ZNF778: variants seen among roughly 807,000 people sequenced by gnomAD.
ZNF778 encodes zinc finger protein 778.
ZNF778 carries 37 observed loss-of-function variants against 23.9 expected under a neutral mutation model. The ratio of observed to expected loss-of-function variants is 1.54; its 90% CI spans 1.19 to 2.03. ZNF778 has a LOEUF of 2.03. Ranked by LOEUF, ZNF778 falls within the 30% of genes most tolerant of loss-of-function variation. The probability of loss-of-function intolerance (pLI) is 0.00; values close to 1 mark genes in which losing one functional copy is unlikely to be tolerated. For synonymous variants in ZNF778, 483 were observed against 343.9 expected, an observed-to-expected ratio of 1.40 and a Z score of -4.48; for missense variants, 1,297 against 934.4, an observed-to-expected ratio of 1.39 and a Z score of -5.06.
Position 89,227,833 on chromosome 16 carries a change from A to G in ZNF778, c.1545A>G (p.Thr515=). The change falls in exon 7 of 7, where the codon ACA becomes ACG. Residue 515 remains threonine (T), a synonymous_variant. Transcript: ENST00000433976. ...GTAAGCAGTGTGGCAAAGCCTTCAC[A>G]GGGCGCTCAGGCCTCACTAAACACA... ...YECKQCGKAF[T]GRSGLTKHMR... 1.9e-6 allele frequency: 3 copies of G among 1,613,936 alleles called. No individual in the cohort carries two copies. The highest frequency in any genetic ancestry group is 2.5e-6 in the Non-Finnish European group (3 of 1,179,960).
rs997103438 is a variant in ZNF778 at position 89,228,965 on chromosome 16, G to C, written c.*403G>C. The C allele has an allele frequency of 1.0e-6, 1 of 1,001,222 alleles. No individual in the cohort carries two copies. The highest frequency in any genetic ancestry group is 1.7e-5 in the African/African-American group (1 of 57,444). The allele number at this position is 1,001,222 out of a possible 1,614,324, so 62.0% of individuals were successfully genotyped here. A position where few individuals can be genotyped will look rare whatever the true frequency, so the allele number is the denominator to read the frequency against. ...AAACGTGGTGATTGACACTTGAAGT[G>C]TTGTGAATGTATGGAAGATAGCAGT... On this transcript the variant is annotated 3_prime_UTR_variant, in exon 7 of 7. Transcript: ENST00000433976.
chr16:89,232,785 A>G lies in ZNF778; in HGVS notation c.*4223A>G, dbSNP rs570629781. ...CTGCATATACAAATCAACTCACTGC[A>G]TATGCACATCAACTCACTGCATATG... On this transcript the variant is annotated 3_prime_UTR_variant, in exon 7 of 7. Coordinates refer to ENST00000433976, the MANE Select transcript of ZNF778 (RefSeq NM_001201407.2). 3.1e-6 allele frequency: 4 copies of G among 1,274,260 alleles called. No homozygotes were observed. Among genetic ancestry groups the G allele is most frequent in the Non-Finnish European group, 3.0e-6 (3 of 988,362 alleles). 78.9% of individuals were successfully genotyped at this position (1,274,260 alleles called of 1,614,324 possible).
chr16:89,232,806 A>T lies in ZNF778; in HGVS notation c.*4244A>T. On this transcript the variant is annotated 3_prime_UTR_variant, in exon 7 of 7. Transcript: ENST00000433976. ...CTGCATATGCACATCAACTCACTGC[A>T]TATGCAACTCAACTCACACCGTATA... The T allele has an allele frequency of 7.8e-7, 1 of 1,286,162 alleles. No individual in the cohort carries two copies. The highest frequency in any genetic ancestry group is 1.0e-6 in the Non-Finnish European group (1 of 988,772). 79.7% of individuals were successfully genotyped at this position (1,286,162 alleles called of 1,614,324 possible).
chr16:89,224,628 T>C, intron 4 of ZNF778, 91 bp from the exon 5 acceptor site: 1 of 958,748 alleles, frequency 1.0e-6, no homozygotes, highest in South Asian at 1.4e-5. Flanking sequence ...CAAAAAATAA[T>C]AAAAAAAAGG....
chr16:89,222,881 T>A (rs1489702432), intron 3 of ZNF778, among the ~76,000 whole-genome samples: 1 of 147,050 alleles, frequency 6.8e-6, no homozygotes, highest in African/African-American at 2.5e-5. Flanking sequence ...AGAGGTGTCG[T>A]TGCGGCCGTG....
intron 5 of ZNF778, among the ~76,000 whole-genome samples, chr16:89,225,267 T>C (rs1247241277): frequency 1.3e-5 from 2 of 151,768 alleles, no homozygotes; most frequent in African/African-American, 4.8e-5. Context: ...AGGTGCGTGC[T>C]GCCACGCCTG....
At chr16:89,221,386 G>C (rs1440997038) in intron 2 of ZNF778, among the ~76,000 whole-genome samples, 1 of 152,152 alleles carries the variant, frequency 6.6e-6, no homozygotes, top group Non-Finnish European at 1.5e-5. Context: ...GAAGAGTCAC[G>C]TTCCTCAAGG....
In ZNF778 at chr16:89,224,712, T is replaced by C. The variant is rs1231081062; in HGVS notation, c.245-7T>C. 6.5e-7 allele frequency: 1 copy of C among 1,533,620 alleles called. No homozygotes were observed. Among genetic ancestry groups the C allele is most frequent in the Admixed American group, 2.0e-5 (1 of 50,964 alleles). ...TCTTCCATCGATGTCTCTTTCCCTG[T>C]GTACAGGACATCACCTGTTCCAACC... On this transcript the variant is annotated splice_polypyrimidine_tract_variant and splice_region_variant and intron_variant, in intron 4 of 6. Coordinates refer to ENST00000433976, the MANE Select transcript of ZNF778 (RefSeq NM_001201407.2).
intron 2 of ZNF778, 56 bp downstream of exon 2, chr16:89,221,208 T>C (rs1486191800): frequency 1.5e-6 from 2 of 1,371,452 alleles, no homozygotes; most frequent in African/African-American, 2.5e-5. Flanking sequence ...TGATACACAG[T>C]GTGTGTATCA....
rs2031727461 is a variant in ZNF778 at position 89,228,685 on chromosome 16, C to G, written c.*123C>G. 6.8e-7 allele frequency: 1 copy of G among 1,479,266 alleles called. No homozygotes were observed. The highest frequency in any genetic ancestry group is 1.4e-5 in the African/African-American group (1 of 70,980). 91.6% of individuals were successfully genotyped at this position (1,479,266 alleles called of 1,614,324 possible). A position where few individuals can be genotyped will look rare whatever the true frequency, so the allele number is the denominator to read the frequency against. ...TAGGCAATCAGCATCTCATCACAAC[C>G]CGGCAGGCAGGAACTCACCCTGGAG... On this transcript the variant is annotated 3_prime_UTR_variant, in exon 7 of 7. Transcript: ENST00000433976.
chr16:89,228,600 C>G lies in ZNF778; in HGVS notation c.*38C>G, dbSNP rs1465299058. 2.6e-6 allele frequency: 4 copies of G among 1,533,498 alleles called. No individual in the cohort carries two copies. Among genetic ancestry groups the G allele is most frequent in the East Asian group, 2.3e-5 (1 of 44,390 alleles). 95.0% of individuals were successfully genotyped at this position (1,533,498 alleles called of 1,614,324 possible). A position where few individuals can be genotyped will look rare whatever the true frequency, so the allele number is the denominator to read the frequency against. On this transcript the variant is annotated 3_prime_UTR_variant, in exon 7 of 7. Transcript: ENST00000433976. ...GGGGAAGCTGTCAGCTACACTCATTCACGTTGAAGACATGAAAGACCTCTC... is the reference window on the plus strand; with the variant it reads ...GGGGAAGCTGTCAGCTACACTCATTGACGTTGAAGACATGAAAGACCTCTC...
At position 89,221,082 on chromosome 16, in the gene ZNF778, T is replaced by G. The variant is rs1431832393; in HGVS notation, c.-46T>G. The G allele has an allele frequency of 6.4e-7, 1 of 1,557,804 alleles. No individual in the cohort carries two copies. Among genetic ancestry groups the G allele is most frequent in the Non-Finnish European group, 8.7e-7 (1 of 1,150,494 alleles). On this transcript the variant is annotated 5_prime_UTR_variant, in exon 2 of 7. Transcript: ENST00000433976. ...TTCACAAGCTGCCCTGCAGTGGCCT[T>G]GGCTTCAGGAAAGGAGCATTCAGAC... is the stretch of plus-strand genomic sequence containing the variant.
chr16:89,232,842 C>G lies in ZNF778; in HGVS notation c.*4280C>G. 7.8e-7 allele frequency: 1 copy of G among 1,289,024 alleles called. No homozygotes were observed. The highest frequency in any genetic ancestry group is 1.5e-5 in the African/African-American group (1 of 65,904). 79.8% of individuals were successfully genotyped at this position (1,289,024 alleles called of 1,614,324 possible). On this transcript the variant is annotated 3_prime_UTR_variant, in exon 7 of 7. Transcript: ENST00000433976. ...AACTCACACCGTATATGCAACTCAA[C>G]TCACACCGTGTATGCAAATCAACTC...
rs1410889512 is a variant in ZNF778 at position 89,233,598 on chromosome 16, TCA to T, written c.*5037_*5038del. 4.4e-6 allele frequency: 5 copies of T among 1,129,274 alleles called. No homozygotes were observed. The East Asian group carries it at 1.8e-4, about 41-fold the overall frequency. The allele number at this position is 1,129,274 out of a possible 1,614,324, so 70.0% of individuals were successfully genotyped here. A position where few individuals can be genotyped will look rare whatever the true frequency, so the allele number is the denominator to read the frequency against. On this transcript the variant is annotated 3_prime_UTR_variant, in exon 7 of 7. Coordinates refer to ENST00000433976, the MANE Select transcript of ZNF778 (RefSeq NM_001201407.2). ...CACTGCATATGCAACGCAACTCAAC[TCA>T]TACTGCATATGCAACTCAACTCACA...
Position 89,228,808 on chromosome 16 carries a change from T to C in ZNF778, c.*246T>C. The C allele has an allele frequency of 7.2e-6, 9 of 1,247,982 alleles. No homozygotes were observed. The highest frequency in any genetic ancestry group is 8.0e-6 in the Non-Finnish European group (8 of 994,560). 77.3% of individuals were successfully genotyped at this position (1,247,982 alleles called of 1,614,324 possible). On this transcript the variant is annotated 3_prime_UTR_variant, in exon 7 of 7. Coordinates refer to ENST00000433976, the MANE Select transcript of ZNF778 (RefSeq NM_001201407.2). ...GAGAGAACTCTATTGATGTGTGATA[T>C]GCAGCAGCATTGTTGCTGTTCTGCT...
chr16:89,219,188 C>A (rs909395684), intron 1 of ZNF778, among the ~76,000 whole-genome samples: 1 of 152,222 alleles, frequency 6.6e-6, no homozygotes, highest in African/African-American at 2.4e-5. Flanking sequence ...CAACATTTTT[C>A]CAACATTGCG....
Position 89,230,167 on chromosome 16 carries a change from T to G in ZNF778, c.*1605T>G. On this transcript the variant is annotated 3_prime_UTR_variant, in exon 7 of 7. Coordinates refer to ENST00000433976, the MANE Select transcript of ZNF778 (RefSeq NM_001201407.2). ...TCTACATTTTATGAAAATGCCCTTGTTCCTCTCCCATACCTGATCCCTTCA... is the reference window on the plus strand; with the variant it reads ...TCTACATTTTATGAAAATGCCCTTGGTCCTCTCCCATACCTGATCCCTTCA... The G allele has an allele frequency of 1.9e-6, 1 of 526,688 alleles. No individual in the cohort carries two copies. Among genetic ancestry groups the G allele is most frequent in the Non-Finnish European group, 2.4e-6 (1 of 411,910 alleles). 32.6% of individuals were successfully genotyped at this position (526,688 alleles called of 1,614,324 possible). A position where few individuals can be genotyped will look rare whatever the true frequency, so the allele number is the denominator to read the frequency against.
chr16:89,220,594 G>A (rs1377032939), intron 1 of ZNF778, among the ~76,000 whole-genome samples: 1 of 152,290 alleles, frequency 6.6e-6, no homozygotes, highest in East Asian at 1.9e-4. Flanking sequence ...GGAGGCAGAG[G>A]TTGCAGTGAG....
intron 5 of ZNF778, among the ~76,000 whole-genome samples, 155 bp from the exon 6 acceptor site, chr16:89,225,400 C>G (rs1469152462): frequency 6.6e-6 from 1 of 152,116 alleles, no homozygotes; most frequent in Non-Finnish European, 1.5e-5. Context: ...TTAAAATCTT[C>G]TAAATTATGA....
Sources: gnomAD v4.1 joint callset for allele counts (sites outside exome capture counted in the v4.1 genomes callset) on GRCh38, gnomAD v4.1.1 for gene constraint, MANE v1.5 for transcripts, NCBI Gene and HGNC (gene_info 2026-07-23, HGNC 2026-07-21) for gene names.